Variants in PFKM observed in about 807,000 individuals in gnomAD.
PFKM encodes the protein phosphofructokinase, muscle.
Under a neutral mutation model 95.5 loss-of-function variants are expected in PFKM, and 58 were observed. The observed-to-expected ratio is 0.61, with a 90% CI of 0.49 to 0.76. PFKM has a LOEUF of 0.76. Among genes scored for constraint, PFKM ranks in the 30% least tolerant of loss-of-function variants. The pLI, the probability that PFKM is intolerant of heterozygous loss-of-function variation, is 0.00. For missense variants in PFKM, 678 were observed against 1,005.4 expected (o/e 0.67, Z 4.40); for synonymous variants, 336 against 357.2 (o/e 0.94, Z 0.67).
chr12:48,111,508 C>T (rs1029407445), intron 3 of PFKM, among the ~76,000 whole-genome samples: 2 of 152,206 alleles, frequency 1.3e-5, no homozygotes, highest in Non-Finnish European at 2.9e-5. Flanking sequence ...TGCGTAGTCC[C>T]TTTGCAAGAG....
chr12:48,119,026 T>C (rs1419466844), upstream of PFKM, among the ~76,000 whole-genome samples: 1 of 152,176 alleles, frequency 6.6e-6, no homozygotes, highest in Non-Finnish European at 1.5e-5. Flanking sequence ...GCAAGGTGTC[T>C]CAGGCAGTCT....
At chr12:48,132,215 A>G (rs1175999130) in intron 4 of PFKM, 1 of 373,856 alleles carries the variant, frequency 2.7e-6, no homozygotes, top group Non-Finnish European at 5.2e-6. Context: ...CTCTCAGGTA[A>G]GTATACTTTC....
intron 18 of PFKM, 85 bp downstream of exon 18, chr12:48,143,031 T>A (rs999323033): frequency 2.3e-6 from 3 of 1,314,864 alleles, no homozygotes; most frequent in African/African-American, 2.9e-5. Flanking sequence ...AGAGCTCAAG[T>A]TGAGGACCGA....
chr12:48,133,000 GGGGCTGA>G lies in PFKM; in HGVS notation c.371_377del (p.Gly124AlafsTer11). 1 of 1,614,156 alleles carries G rather than the reference GGGGCTGA, an allele frequency of 6.2e-7. No individual in the cohort carries two copies. Among genetic ancestry groups the G allele is most frequent in the East Asian group, 2.2e-5 (1 of 44,878 alleles). Reference sequence around the variant, plus strand: ...CATTGGGGGTGATGGCAGCCTCACTGGGGCTGACACCTTCCGTTCTGAGTGGAGTGAC... The same window carrying G: ...CATTGGGGGTGATGGCAGCCTCACTGCACCTTCCGTTCTGAGTGGAGTGAC... On this transcript the variant is annotated frameshift_variant, in exon 5 of 23. Coordinates refer to ENST00000359794, the MANE Select transcript of PFKM (RefSeq NM_000289.6). LOFTEE classifies it high-confidence loss of function.
upstream of PFKM, among the ~76,000 whole-genome samples, chr12:48,118,170 C>CA: frequency 6.6e-6 from 1 of 152,272 alleles, no homozygotes; most frequent in East Asian, 1.9e-4. Flanking sequence ...CTTCCCCTTT[C>CA]CATCAACGTC....
intron 10 of PFKM, among the ~76,000 whole-genome samples, chr12:48,136,270 G>C (rs1950080203): frequency 2.0e-5 from 3 of 152,124 alleles, no homozygotes; most frequent in Admixed American, 2.0e-4. Context: ...TATATAAATG[G>C]AATTGCATAA....
chr12:48,138,164 C>T (rs551979447), intron 11 of PFKM, among the ~76,000 whole-genome samples: 3 of 152,272 alleles, frequency 2.0e-5, no homozygotes, highest in East Asian at 3.9e-4. Flanking sequence ...ATGCTATATT[C>T]CTCCTAACTT....
At chr12:48,138,230 A>T (rs1422897367) in intron 11 of PFKM, among the ~76,000 whole-genome samples, 1 of 152,126 alleles carries the variant, frequency 6.6e-6, no homozygotes, top group Non-Finnish European at 1.5e-5. Flanking sequence ...TGTCTCTATG[A>T]TTTCTATCTT....
rs1403851453 is a variant in PFKM at position 48,137,786 on chromosome 12, T to C, written c.1002T>C (p.Cys334=). The stretch of plus-strand genomic sequence containing the variant: ...AGGGGACCCCAGATACCCCAGCCTG[T>C]GTAGTGAGCCTCTCTGGTAACCAGG... ...LLEGTPDTPA[C]VVSLSGNQAV... The change falls in exon 11 of 23, where the codon TGT becomes TGC. Residue 334 remains cysteine, a synonymous_variant. Coordinates refer to ENST00000359794, the MANE Select transcript of PFKM (RefSeq NM_000289.6). The C allele has an allele frequency of 6.2e-7, 1 of 1,613,928 alleles. No individual in the cohort carries two copies. The highest frequency in any genetic ancestry group is 2.2e-5 in the East Asian group (1 of 44,884).
rs766776776 is a variant in PFKM at position 48,140,791 on chromosome 12, T to C, written c.1261T>C (p.Ser421Pro). 1 of 1,614,194 alleles carries C rather than the reference T, an allele frequency of 6.2e-7. No homozygotes were observed. The highest frequency in any genetic ancestry group is 8.5e-7 in the Non-Finnish European group (1 of 1,180,020). ...TGCAGGCATGAATGCTGCTGTTCGC[T>C]CCACTGTGAGGATTGGCCTTATCCA... ...PAAGMNAAVR[S>P]TVRIGLIQGN... The change falls in exon 14 of 23, where the codon TCC (serine) becomes CCC (proline). Residue 421 changes from serine to proline, a missense_variant. Transcript: ENST00000359794.
At chr12:48,125,472 T>C (rs1948733142) in intron 2 of PFKM, 2 of 354,278 alleles carry the variant, frequency 5.6e-6, no homozygotes, top group South Asian at 4.1e-5. Flanking sequence ...AAATACAAAA[T>C]TAGCTGGGCG....
intron 11 of PFKM, 92 bp downstream of exon 11, chr12:48,137,938 T>G: frequency 6.8e-4 from 958 of 1,400,442 alleles, no homozygotes; most frequent in Non-Finnish European, 8.9e-4. Context: ...GCCACTGGTA[T>G]AGGAGCAGGT....
chr12:48,111,833 G>A (rs1173709232), intron 3 of PFKM, among the ~76,000 whole-genome samples: 1 of 152,152 alleles, frequency 6.6e-6, no homozygotes, highest in Non-Finnish European at 1.5e-5. Context: ...GGTAATTGTG[G>A]GATACTCAAC....
At chr12:48,143,122 C>T (rs1321456139) in intron 18 of PFKM, among the ~76,000 whole-genome samples, 176 bp downstream of exon 18, 1 of 152,200 alleles carries the variant, frequency 6.6e-6, no homozygotes, top group Non-Finnish European at 1.5e-5. Flanking sequence ...TATGCATGAC[C>T]GCAGCTACTG....
intron 10 of PFKM, 52 bp from the exon 11 acceptor site, chr12:48,137,669 C>T (rs1950220142): frequency 1.5e-5 from 24 of 1,612,502 alleles, no homozygotes; most frequent in Non-Finnish European, 1.7e-5. Context: ...CTAGGCTGAG[C>T]CAAGATGGGG....
rs41291971 is a variant in PFKM at position 48,145,125 on chromosome 12, G to A, written c.2087G>A (p.Arg696His). 0.014 allele frequency: 22,772 copies of A among 1,613,446 alleles called. 185 individuals are homozygous for A. The highest frequency in any genetic ancestry group is 0.017 in the Non-Finnish European group (20,570 of 1,179,328). ...TCTGGGAAAATCAAAGAGAGTTACC[G>A]TAATGGTAGGTGGGGTGAGAGCGAG... ...WMSGKIKESY[R>H]NGRIFANTPD... Residue 696 changes from arginine (R) to histidine (H), a missense_variant, in exon 21 of 23, where the codon CGT becomes CAT. Transcript: ENST00000359794. This position sits in a 1 kb window ranked among gnomAD's most constrained non-coding sequence, Gnocchi z 4.3.
intron 7 of PFKM, 33 bp from the exon 8 acceptor site, chr12:48,134,688 C>A: frequency 1.4e-6 from 2 of 1,445,698 alleles, no homozygotes; most frequent in Non-Finnish European, 1.9e-6. Flanking sequence ...TAGAGTACAA[C>A]TTCTAGCAGG....
At chr12:48,144,009 A>T in intron 19 of PFKM, 37 bp from the exon 20 acceptor site, 1 of 1,447,702 alleles carries the variant, frequency 6.9e-7, no homozygotes, top group Non-Finnish European at 9.7e-7. Flanking sequence ...TGGGAAGCCA[A>T]CCACAGAGTC....
At chr12:48,118,488 C>T (rs1383744786), upstream of PFKM, 4 of 1,472,550 alleles carry the variant, frequency 2.7e-6, no homozygotes, top group Admixed American at 7.9e-5. Flanking sequence ...CCAGAATGTG[C>T]AGAGGTAGAG....
Sources: allele counts gnomAD v4.1 joint callset (sites outside exome capture counted in the v4.1 genomes callset), GRCh38; gene constraint gnomAD v4.1.1; non-coding constraint Gnocchi (gnomAD v3.1); transcripts MANE v1.5; gene names NCBI Gene and HGNC (gene_info 2026-07-23, HGNC 2026-07-21).